PALM2AKAP2: variants seen among roughly 807,000 people sequenced by gnomAD.
The protein encoded by PALM2AKAP2 is PALM2 and AKAP2 fusion.
Under a neutral mutation model 71.5 loss-of-function variants are expected in PALM2AKAP2, and 37 were observed. The ratio of observed to expected loss-of-function variants is 0.52; its 90% CI spans 0.40 to 0.68. The LOEUF (loss-of-function observed/expected upper bound fraction) is 0.68. Among genes scored for constraint, PALM2AKAP2 ranks in the 30% least tolerant of loss-of-function variants. The probability of loss-of-function intolerance (pLI) is 0.00; values close to 1 mark genes in which losing one functional copy is unlikely to be tolerated. For missense variants in PALM2AKAP2, 1,224 were observed against 1,191.8 expected (o/e 1.03, Z -0.40); for synonymous variants, 468 against 478.8 (o/e 0.98, Z 0.29).
At chr9:110,097,506 T>C (rs1382341892) in intron 1 of PALM2AKAP2, among the ~76,000 whole-genome samples, 49 of 152,018 alleles carry the variant, frequency 3.2e-4, no homozygotes, top group African/African-American at 1.0e-3. Flanking sequence ...GCAGAGACGC[T>C]CCTCACATCC....
At chr9:109,967,534 C>T (rs1387287987) in intron 6 of PALM2AKAP2, among the ~76,000 whole-genome samples, 1 of 152,046 alleles carries the variant, frequency 6.6e-6, no homozygotes, top group Non-Finnish European at 1.5e-5. Flanking sequence ...CTCAGACTCC[C>T]GAGTAGCTGT....
At chr9:109,861,045 CT>C (rs1347000007) in intron 1 of PALM2AKAP2, among the ~76,000 whole-genome samples, 36 of 152,230 alleles carry the variant, frequency 2.4e-4, no homozygotes, top group African/African-American at 8.4e-4. Flanking sequence ...GCAAGAGGGC[CT>C]TGAGTAGGTC....
chr9:110,127,575 T>G (rs905318775), intron 1 of PALM2AKAP2: 6 of 152,238 alleles, frequency 3.9e-5, no homozygotes, highest in African/African-American at 1.4e-4. Flanking sequence ...GCTTATAGGC[T>G]CGGCTTAGAG....
chr9:110,092,863 A>T (rs893830708), intron 1 of PALM2AKAP2, among the ~76,000 whole-genome samples: 4 of 152,154 alleles, frequency 2.6e-5, no homozygotes, highest in African/African-American at 4.8e-5. Flanking sequence ...TCAATTCCGT[A>T]CAGTTCCAAC....
chr9:109,693,542 A>T (rs1160910819), intron 1 of PALM2AKAP2, among the ~76,000 whole-genome samples: 1 of 151,914 alleles, frequency 6.6e-6, no homozygotes, highest in African/African-American at 2.4e-5. Flanking sequence ...GGAAGATTAG[A>T]TAATTGATTT....
At chr9:109,853,083 A>G (rs1403056744) in intron 1 of PALM2AKAP2, among the ~76,000 whole-genome samples, 4 of 152,138 alleles carry the variant, frequency 2.6e-5, no homozygotes, top group African/African-American at 9.7e-5. Context: ...TTAACACTTC[A>G]TAACTGGGGG....
rs1319975502 is a variant in PALM2AKAP2, at chr9:109,640,858, C to A, written c.-4C>A. On this transcript the variant is annotated 5_prime_UTR_variant, in exon 1 of 7. Coordinates refer to the PALM2AKAP2 transcript ENST00000374531. ...AGCAGCGCACCCGGCCGCGGAGCCC[C>A]GCGATGGAGTGAGTATCCCCGAGCC... The A allele has an allele frequency of 2.0e-6, 3 of 1,518,474 alleles. No individual in the cohort carries two copies. The African/African-American group carries it at 4.2e-5, about 21-fold the overall frequency. The allele number at this position is 1,518,474 out of a possible 1,614,324, so 94.1% of individuals were successfully genotyped here.
rs1274722145 is a variant in PALM2AKAP2, at chr9:109,823,746, CA to C, written c.45+43214del. 8.5e-5 allele frequency among the ~76,000 whole-genome samples: 13 copies of C among 152,266 alleles called. No homozygotes were observed. In the East Asian group the frequency reaches 2.5e-3, roughly 29 times the overall value. On this transcript the variant is annotated intron_variant, in intron 1 of 9. Coordinates refer to the PALM2AKAP2 transcript ENST00000302798. ...ATGGAGATACTGGCCCATTTCCTAG[CA>C]GGATTATCTGTGTTTGTCTGGGGGT...
At chr9:110,119,174 C>T (rs1835428380) in intron 1 of PALM2AKAP2, among the ~76,000 whole-genome samples, 1 of 151,804 alleles carries the variant, frequency 6.6e-6, no homozygotes, top group African/African-American at 2.4e-5. Context: ...AAAAATCCGT[C>T]TCTACTAAAA....
At chr9:110,089,188 G>T (rs1459463995) in intron 1 of PALM2AKAP2, among the ~76,000 whole-genome samples, 2 of 152,186 alleles carry the variant, frequency 1.3e-5, no homozygotes, top group Non-Finnish European at 2.9e-5. Flanking sequence ...GAAGCAGTAA[G>T]AAAGGGAAAC....
chr9:109,934,117 C>G (rs1219328816), intron 6 of PALM2AKAP2, among the ~76,000 whole-genome samples: 1 of 152,210 alleles, frequency 6.6e-6, no homozygotes, highest in Non-Finnish European at 1.5e-5. Context: ...TATTTAGAAT[C>G]ATTGCTTTTC....
At chr9:109,720,487 G>A (rs1232694176) in intron 1 of PALM2AKAP2, among the ~76,000 whole-genome samples, 1 of 152,162 alleles carries the variant, frequency 6.6e-6, no homozygotes, top group Non-Finnish European at 1.5e-5. Context: ...GGGCTGCAGA[G>A]AGTTTTGGAA....
intron 1 of PALM2AKAP2, among the ~76,000 whole-genome samples, chr9:110,050,613 T>C (rs1833691360): frequency 6.6e-6 from 1 of 151,806 alleles, no homozygotes; most frequent in East Asian, 1.9e-4. Context: ...TTCTCTGTTT[T>C]TCTTTTCTTT....
chr9:109,648,318 A>C (rs1827180455), intron 1 of PALM2AKAP2, among the ~76,000 whole-genome samples: 1 of 152,000 alleles, frequency 6.6e-6, no homozygotes, highest in Non-Finnish European at 1.5e-5. Context: ...TTATGTTTTC[A>C]AAGTTTTTAG....
intron 3 of PALM2AKAP2, among the ~76,000 whole-genome samples, chr9:110,160,939 C>T (rs913309197): frequency 2.6e-5 from 4 of 152,160 alleles, no homozygotes; most frequent in East Asian, 1.9e-4. Flanking sequence ...TCCTGGGCTA[C>T]GTCAAAGCTG....
chr9:109,700,417 A>G (rs969319267), intron 1 of PALM2AKAP2, among the ~76,000 whole-genome samples: 3 of 152,192 alleles, frequency 2.0e-5, no homozygotes. Flanking sequence ...AGGCCTCCCC[A>G]GTCATGTGGA....
chr9:109,673,859 C>G (rs1827611435), intron 1 of PALM2AKAP2, among the ~76,000 whole-genome samples: 1 of 152,080 alleles, frequency 6.6e-6, no homozygotes, highest in African/African-American at 2.4e-5. Context: ...TAATGCCCTT[C>G]TTTGTCTTTT....
chr9:109,756,539 T>C (rs879628139), intron 1 of PALM2AKAP2, among the ~76,000 whole-genome samples: 10 of 152,216 alleles, frequency 6.6e-5, no homozygotes, highest in Non-Finnish European at 1.2e-4. Flanking sequence ...TTTGTTCTTT[T>C]AGGATATGTC....
At chr9:109,836,671 G>A (rs1828488778) in intron 1 of PALM2AKAP2, among the ~76,000 whole-genome samples, 2 of 152,216 alleles carry the variant, frequency 1.3e-5, no homozygotes, top group South Asian at 4.1e-4. Context: ...AACCAGTGTA[G>A]AGAAGTCCTT....
Sources: gnomAD v4.1 joint callset for allele counts (sites outside exome capture counted in the v4.1 genomes callset) on GRCh38, gnomAD v4.1.1 for gene constraint, MANE v1.5 for transcripts, NCBI Gene and HGNC (gene_info 2026-07-23, HGNC 2026-07-21) for gene names.